Variants in DHRS7 observed in about 807,000 individuals in gnomAD.
DHRS7 encodes dehydrogenase/reductase 7, also known as dehydrogenase/reductase SDR family member 7.
DHRS7 carries 34 observed loss-of-function variants against 38.9 expected under a neutral mutation model. The observed-to-expected ratio is 0.87, with a 90% CI of 0.66 to 1.16. The LOEUF (loss-of-function observed/expected upper bound fraction) is 1.16, where lower values mean the gene tolerates loss of function less well. DHRS7 is among the 50% of genes most tolerant of loss of function. The pLI, the probability that DHRS7 is intolerant of heterozygous loss-of-function variation, is 0.00. For synonymous variants in DHRS7, 158 were observed against 153.1 expected (o/e 1.03, Z -0.24); for missense variants, 421 against 407.0 (o/e 1.03, Z -0.30).
chr14:60,156,909 C>T (rs1896670607), intron 1 of DHRS7, among the ~76,000 whole-genome samples: 1 of 152,174 alleles, frequency 6.6e-6, no homozygotes, highest in Non-Finnish European at 1.5e-5. Context: ...AGTACTAAAG[C>T]AATGACAAAT....
intron 6 of DHRS7, chr14:60,147,247 T>A (rs1387581539): frequency 2.6e-5 from 4 of 151,852 alleles, no homozygotes; most frequent in African/African-American, 9.7e-5. Flanking sequence ...AGAAAAAAAA[T>A]GGTAGATATT....
chr14:60,168,305 T>C (rs1595206193), upstream of DHRS7, among the ~76,000 whole-genome samples: 1 of 152,314 alleles, frequency 6.6e-6, no homozygotes, highest in South Asian at 2.1e-4. Context: ...CTCTCTCCCT[T>C]AAATGCTCTG....
At position 60,150,193 on chromosome 14, in the gene DHRS7, A is replaced by AG. The variant is rs770629720; in HGVS notation, c.634-7dup. On this transcript the variant is annotated splice_polypyrimidine_tract_variant and splice_region_variant and intron_variant, in intron 4 of 6. Transcript: ENST00000557185. ...CGAAGGCCATTAAAAAAACCCTAAC[A>AG]GACAAAAAAAAAAAAAAAGGAAAAA... The AG allele has an allele frequency of 7.6e-6, 11 of 1,444,896 alleles. No homozygotes were observed. The South Asian group carries it at 9.2e-5, about 12-fold the overall frequency. The allele number at this position is 1,444,896 out of a possible 1,614,324, so 89.5% of individuals were successfully genotyped here. A position where few individuals can be genotyped will look rare whatever the true frequency, so the allele number is the denominator to read the frequency against.
At chr14:60,157,844 T>C in intron 1 of DHRS7, among the ~76,000 whole-genome samples, 1 of 151,696 alleles carries the variant, frequency 6.6e-6, no homozygotes, top group East Asian at 1.9e-4. Flanking sequence ...TTTCATGATA[T>C]ACACATTTAC....
In DHRS7 at chr14:60,156,044, G is replaced by A. The variant is rs752771197; in HGVS notation, c.242C>T (p.Ala81Val). 2 of 1,599,564 alleles carry A rather than the reference G, an allele frequency of 1.3e-6. No individual in the cohort carries two copies. Among genetic ancestry groups the A allele is most frequent in the East Asian group, 4.6e-5 (2 of 43,762 alleles). ...SKLGVSLVLS[A>V]RRVHELERVK... ...CCTTTCCAGCTCATGCACTCTTCTGGCTGACAGCACAAGAGAAACTCCTAG... is the reference window on the plus strand; with the variant it reads ...CCTTTCCAGCTCATGCACTCTTCTGACTGACAGCACAAGAGAAACTCCTAG... The change falls in exon 2 of 7, where the codon GCC becomes GTC. Residue 81 changes from alanine to valine, a missense_variant. Physicochemically the swap from Ala to Val is moderately conservative, Grantham distance 64. Coordinates refer to ENST00000557185, the MANE Select transcript of DHRS7 (RefSeq NM_016029.4).
chr14:60,146,552 GA>G lies in DHRS7; in HGVS notation c.973-1540del, dbSNP rs554595925. On this transcript the variant is annotated intron_variant, in intron 6 of 6. Coordinates refer to ENST00000557185, the MANE Select transcript of DHRS7 (RefSeq NM_016029.4). This position sits in a 1 kb window ranked among gnomAD's most constrained non-coding sequence, Gnocchi z 4.9. ...TTAAGGGTATAAATCTAAAGGAAGTGAAATCAGTACCTTGAAGTGATACCTA... is the reference window on the plus strand; with the variant it reads ...TTAAGGGTATAAATCTAAAGGAAGTGAATCAGTACCTTGAAGTGATACCTA... The G allele has an allele frequency of 1.1e-4, 17 of 152,258 alleles. No homozygotes were observed. The highest frequency in any genetic ancestry group is 4.1e-4 in the African/African-American group (17 of 41,558). The allele number at this position is 152,258 out of a possible 1,614,324, so 9.4% of individuals were successfully genotyped here.
At position 60,145,703 on chromosome 14, in the gene DHRS7, T is replaced by C. The variant is rs1896388641; in HGVS notation, c.973-690A>G. The stretch of plus-strand genomic sequence containing the variant: ...AAAAATAAAAAGAAAAAAAAATTAT[T>C]TGTGAACTTTTTGTATATTGCTTAA... On this transcript the variant is annotated intron_variant, in intron 6 of 6. Coordinates refer to ENST00000557185, the MANE Select transcript of DHRS7 (RefSeq NM_016029.4). This position sits in a 1 kb window ranked among gnomAD's most constrained non-coding sequence, Gnocchi z 4.0. 1 of 152,072 alleles carries C rather than the reference T, an allele frequency of 6.6e-6. No homozygotes were observed. 9.4% of individuals were successfully genotyped at this position (152,072 alleles called of 1,614,324 possible). A position where few individuals can be genotyped will look rare whatever the true frequency, so the allele number is the denominator to read the frequency against.
Position 60,152,962 on chromosome 14 carries a change from A to G in DHRS7, c.610T>C (p.Cys204Arg), listed in dbSNP as rs201250744. The G allele has an allele frequency of 6.2e-7, 1 of 1,614,182 alleles. No individual in the cohort carries two copies. The highest frequency in any genetic ancestry group is 1.3e-5 in the African/African-American group (1 of 75,066). The change falls in exon 4 of 7, where the codon TGT becomes CGT. Residue 204 changes from cysteine to arginine, a missense_variant. Physicochemically the swap from Cys to Arg is radical, Grantham distance 180. Transcript: ENST00000557185. ...ACCCGGAGAGCATGCTTGCTAGCAC[A>G]GTATCCAATGGAAAGAGGTACAGAT... ...IISVPLSIGYCASKHALRGFF... is the reference protein window; with the variant it reads ...IISVPLSIGYRASKHALRGFF...
chr14:60,157,946 A>G (rs1177749922), intron 1 of DHRS7, among the ~76,000 whole-genome samples: 3 of 152,110 alleles, frequency 2.0e-5, no homozygotes, highest in African/African-American at 4.8e-5. Flanking sequence ...AAATATCTCA[A>G]CTAAGGCCAG....
chr14:60,169,157 A>AAAAAAAAAAAACAAAAAAAAAAAAAAAC (rs1566539386), upstream of DHRS7: 1 of 150,122 alleles, frequency 6.7e-6, no homozygotes, highest in African/African-American at 2.6e-5. Flanking sequence ...AAAAAAAAAA[A>AAAAAAAAAAAACAAAAAAAAAAAAAAAC]AAAACCATTG....
Position 60,165,102 on chromosome 14 carries a change from C to G in DHRS7, c.133+75G>C. ...AAAGGACCCGGGATCACTGCAGAAC[C>G]CCCGGAGACCCGGACACGCCTCGGC... On this transcript the variant is annotated intron_variant, in intron 1 of 6. Transcript: ENST00000557185. This position sits in a 1 kb window ranked among gnomAD's most constrained non-coding sequence, Gnocchi z 4.6. 1.9e-6 allele frequency: 3 copies of G among 1,562,744 alleles called. No individual in the cohort carries two copies. The highest frequency in any genetic ancestry group is 4.6e-5 in the East Asian group (2 of 43,116).
intron 1 of DHRS7, among the ~76,000 whole-genome samples, chr14:60,164,838 A>C (rs1029359625): frequency 6.6e-6 from 1 of 152,176 alleles, no homozygotes; most frequent in Non-Finnish European, 1.5e-5. Flanking sequence ...CTGAGACAAC[A>C]CCAGAATCCC....
Position 60,154,081 on chromosome 14 carries a change from A to G in DHRS7, c.287-16T>C. 1 of 1,604,340 alleles carries G rather than the reference A, an allele frequency of 6.2e-7. No individual in the cohort carries two copies. The highest frequency in any genetic ancestry group is 8.5e-7 in the Non-Finnish European group (1 of 1,171,888). ...TTGCCATTCTCTAAATAAAGACAAA[A>G]ATTTGTGTGGAAGTCATGCCATAGT... On this transcript the variant is annotated splice_polypyrimidine_tract_variant and intron_variant, in intron 2 of 6. Transcript: ENST00000557185.
At chr14:60,167,223 C>A (rs1357787285), upstream of DHRS7, among the ~76,000 whole-genome samples, 1 of 152,332 alleles carries the variant, frequency 6.6e-6, no homozygotes, top group Non-Finnish European at 1.5e-5. Context: ...CAAAGTATCT[C>A]ATGTACTCCA....
At chr14:60,168,666 C>T, upstream of DHRS7, 2 of 1,539,326 alleles carry the variant, frequency 1.3e-6, no homozygotes, top group Non-Finnish European at 1.7e-6. Flanking sequence ...TTTTTCCTCT[C>T]CTTCTCTTTT....
chr14:60,156,284 T>G, intron 1 of DHRS7, 132 bp from the exon 2 acceptor site: 1 of 752,530 alleles, frequency 1.3e-6, no homozygotes, highest in Non-Finnish European at 1.9e-6. Flanking sequence ...GAGTTAAAAT[T>G]TGAAATATTC....
chr14:60,168,768 T>G, upstream of DHRS7: 2 of 1,547,224 alleles, frequency 1.3e-6, no homozygotes. Flanking sequence ...AATTCTTTCT[T>G]GCTTCTTAAA....
At position 60,153,133 on chromosome 14, in the gene DHRS7, A is replaced by C. The variant is rs371472289; in HGVS notation, c.439T>G (p.Cys147Gly). Residue 147 changes from cysteine to glycine, a missense_variant, in exon 4 of 7, where the codon TGC (cysteine) becomes GGC (glycine). Transcript: ENST00000557185. This position sits in a 1 kb window ranked among gnomAD's most constrained non-coding sequence, Gnocchi z 4.4. ...NNGGMSQRSL[C>G]MDTSLDVYRK... ...TAGACATCCAAGCTGGTATCCATGC[A>C]CAGAGAACGCTGGGACATTCCACCA... 5.0e-6 allele frequency: 8 copies of C among 1,614,068 alleles called. No individual in the cohort carries two copies. The highest frequency in any genetic ancestry group is 6.8e-6 in the Non-Finnish European group (8 of 1,180,034).
At chr14:60,147,777 C>G (rs187472801) in intron 6 of DHRS7, 1 of 152,306 alleles carries the variant, frequency 6.6e-6, no homozygotes, top group African/African-American at 2.4e-5. Flanking sequence ...TGGGGCAGAG[C>G]TGGGATTTGA....
Sources: gnomAD v4.1 joint callset for allele counts (sites outside exome capture counted in the v4.1 genomes callset) on GRCh38, gnomAD v4.1.1 for gene constraint, Gnocchi (gnomAD v3.1) non-coding constraint, MANE v1.5 for transcripts, NCBI Gene and HGNC (gene_info 2026-07-23, HGNC 2026-07-21) for gene names.